FRRS1: variants seen among roughly 807,000 people sequenced by gnomAD.
FRRS1 encodes the protein ferric reductase 1.
In FRRS1, 51 loss-of-function variants were observed where a neutral mutation model predicts 70.7. The ratio of observed to expected loss-of-function variants is 0.72; its 90% confidence interval spans 0.58 to 0.91. FRRS1 has a LOEUF of 0.91. FRRS1 is among the 40% of genes least tolerant of loss of function. The pLI, the probability that FRRS1 is intolerant of heterozygous loss-of-function variation, is 0.00. For synonymous variants in FRRS1, 225 were observed against 238.7 expected, an observed-to-expected ratio of 0.94 and a Z score of 0.53; for missense variants, 672 against 726.0, an observed-to-expected ratio of 0.93 and a Z score of 0.86.
chr1:99,764,217 C>A (rs778843795), intron 1 of FRRS1, among the ~76,000 whole-genome samples: 2 of 152,084 alleles, frequency 1.3e-5, no homozygotes, highest in Non-Finnish European at 2.9e-5. Context: ...AACAAGAAAA[C>A]TGCAAAATGA....
At chr1:99,723,153 A>T (rs1023227325) in intron 9 of FRRS1, among the ~76,000 whole-genome samples, 10 of 152,316 alleles carry the variant, frequency 6.6e-5, no homozygotes, top group African/African-American at 2.4e-4. Flanking sequence ...CATATGCAGG[A>T]TTGGAATAAA....
intron 7 of FRRS1, among the ~76,000 whole-genome samples, chr1:99,735,285 T>A (rs1233990331): frequency 6.6e-6 from 1 of 152,174 alleles, no homozygotes; most frequent in Non-Finnish European, 1.5e-5. Flanking sequence ...TCAGTTAAAA[T>A]TCACACATTA....
At chr1:99,723,643 T>C (rs1654943249) in intron 9 of FRRS1, among the ~76,000 whole-genome samples, 1 of 152,202 alleles carries the variant, frequency 6.6e-6, no homozygotes, top group Non-Finnish European at 1.5e-5. Context: ...CTCACAAACC[T>C]ATTATAAAGC....
chr1:99,709,935 T>G (rs1654194944), intron 15 of FRRS1, among the ~76,000 whole-genome samples: 1 of 152,034 alleles, frequency 6.6e-6, no homozygotes, highest in African/African-American at 2.4e-5. Context: ...ACCACTGCAC[T>G]CCAGCCTAAA....
chr1:99,748,361 G>A (rs932708450), intron 3 of FRRS1: 25 of 423,826 alleles, frequency 5.9e-5, no homozygotes, highest in Admixed American at 2.6e-4. Context: ...AGTAAATAAC[G>A]ATAAAAACTT....
chr1:99,742,973 G>A (rs1656049606), intron 4 of FRRS1, among the ~76,000 whole-genome samples: 1 of 152,018 alleles, frequency 6.6e-6, no homozygotes, highest in African/African-American at 2.4e-5. Context: ...CATTTTTGGT[G>A]TAAAAATAAA....
chr1:99,760,134 GA>G (rs1439586702), intron 1 of FRRS1, among the ~76,000 whole-genome samples: 45 of 152,316 alleles, frequency 3.0e-4, no homozygotes, highest in African/African-American at 9.1e-4. Flanking sequence ...CAGAAAGAAT[GA>G]ATGTAAAAAT....
rs1439283806 is a variant in FRRS1, at chr1:99,738,175, A to G, written c.670T>C (p.Phe224Leu). 10 of 1,613,018 alleles carry G rather than the reference A, an allele frequency of 6.2e-6. No individual in the cohort carries two copies. The highest frequency in any genetic ancestry group is 1.3e-5 in the African/African-American group (1 of 75,026). ...EKEASCVFLS[F>L]TRDDQSVMVE... The stretch of plus-strand genomic sequence containing the variant: ...ATCACCGATTGGTCATCTCTTGTGA[A>G]GGACAAGAAGACACAGGAAGCCTCC... Residue 224 changes from phenylalanine to leucine, a missense_variant, in exon 7 of 17, where the codon TTC becomes CTC. Phe to Leu is a conservative substitution (Grantham distance 22). Coordinates refer to ENST00000646001, the MANE Select transcript of FRRS1 (RefSeq NM_001361041.2).
At position 99,708,909 on chromosome 1, in the gene FRRS1, A is replaced by T; in HGVS notation, c.*119T>A. The T allele has an allele frequency of 6.2e-7, 1 of 1,612,006 alleles. No individual in the cohort carries two copies. Among genetic ancestry groups the T allele is most frequent in the Non-Finnish European group, 8.5e-7 (1 of 1,178,374 alleles). Reference sequence around the variant, plus strand: ...ACTTCAGAATTCCTCTACAGACATGACCCCAGTCTTCCAAGTGAGAATTCA... The same window carrying T: ...ACTTCAGAATTCCTCTACAGACATGTCCCCAGTCTTCCAAGTGAGAATTCA... On this transcript the variant is annotated 3_prime_UTR_variant, in exon 17 of 17. Coordinates refer to ENST00000646001, the MANE Select transcript of FRRS1 (RefSeq NM_001361041.2).
At chr1:99,733,564 A>G (rs1655500830) in intron 7 of FRRS1, among the ~76,000 whole-genome samples, 1 of 152,210 alleles carries the variant, frequency 6.6e-6, no homozygotes, top group South Asian at 2.1e-4. Context: ...AAGGGCTCCC[A>G]TTGGCCGAAT....
chr1:99,718,743 C>A (rs1020681250), intron 10 of FRRS1, among the ~76,000 whole-genome samples: 2 of 152,170 alleles, frequency 1.3e-5, no homozygotes, highest in Non-Finnish European at 2.9e-5. Flanking sequence ...AATACTTGTA[C>A]ATTGATCAAT....
chr1:99,734,012 A>ATG lies in FRRS1; in HGVS notation c.759+4073_759+4074insCA, dbSNP rs1557695188. On this transcript the variant is annotated intron_variant, in intron 7 of 16. Transcript: ENST00000646001. ...CTGATGTGGAAATAATATCCCTTACATAGCATTTGTGCCAAAAAGTCTTAA... is the reference window on the plus strand; with the variant it reads ...CTGATGTGGAAATAATATCCCTTACATGTAGCATTTGTGCCAAAAAGTCTTAA... 2.3e-3 allele frequency among the ~76,000 whole-genome samples: 356 copies of ATG among 151,782 alleles called. 1 individual carries two copies. Among genetic ancestry groups the ATG allele is most frequent in the African/African-American group, 7.9e-3 (328 of 41,312 alleles).
chr1:99,709,624 T>G (rs970147681), intron 15 of FRRS1, among the ~76,000 whole-genome samples: 1 of 152,228 alleles, frequency 6.6e-6, no homozygotes, highest in Non-Finnish European at 1.5e-5. Flanking sequence ...TAAATCAAAC[T>G]AATTAACATA....
In FRRS1 at chr1:99,708,832, C is replaced by T. The variant is rs1256294081; in HGVS notation, c.*196G>A. 3.7e-6 allele frequency: 4 copies of T among 1,067,096 alleles called. No individual in the cohort carries two copies. In the East Asian group the frequency reaches 7.3e-5, roughly 19 times the overall value. The allele number at this position is 1,067,096 out of a possible 1,614,324, so 66.1% of individuals were successfully genotyped here. A position where few individuals can be genotyped will look rare whatever the true frequency, so the allele number is the denominator to read the frequency against. On this transcript the variant is annotated 3_prime_UTR_variant, in exon 17 of 17. Coordinates refer to ENST00000646001, the MANE Select transcript of FRRS1 (RefSeq NM_001361041.2). ...ACCCAGAATTACATATAGGGCATGA[C>T]ATTAATTTATAGTCTATATGACCCT... is the stretch of plus-strand genomic sequence containing the variant.
intron 3 of FRRS1, chr1:99,748,059 T>G (rs569744533): frequency 1.9e-5 from 3 of 153,918 alleles, no homozygotes; most frequent in African/African-American, 7.2e-5. Flanking sequence ...CAGTGTGAAC[T>G]CTAAGGTATA....
chr1:99,763,054 C>T (rs981625592), intron 1 of FRRS1, among the ~76,000 whole-genome samples: 1 of 152,166 alleles, frequency 6.6e-6, no homozygotes, highest in Non-Finnish European at 1.5e-5. Context: ...CCTCTCCTCT[C>T]CCCGCAAAAC....
In FRRS1 at chr1:99,758,530, T is replaced by A. The variant is rs1656954089; in HGVS notation, c.-106+8077A>T. On this transcript the variant is annotated intron_variant, in intron 1 of 16. Coordinates refer to ENST00000646001, the MANE Select transcript of FRRS1 (RefSeq NM_001361041.2). ...TCCTGTCTTTAATCTCTTAATCCTG[T>A]TAGCTTCATAAGCTGAGGATGTACG... Among the ~76,000 whole-genome samples, 3 of 152,362 alleles carry A rather than the reference T, an allele frequency of 2.0e-5. No individual in the cohort carries two copies. In the South Asian group the frequency reaches 6.2e-4, roughly 32 times the overall value.
intron 1 of FRRS1, chr1:99,765,662 G>C (rs190663556): frequency 6.6e-6 from 1 of 152,066 alleles, no homozygotes; most frequent in Non-Finnish European, 1.5e-5. Flanking sequence ...AGCACTTTGG[G>C]AGGCGGAGGC....
intron 7 of FRRS1, among the ~76,000 whole-genome samples, chr1:99,730,692 C>G (rs865797963): frequency 6.6e-6 from 1 of 152,024 alleles, no homozygotes; most frequent in African/African-American, 2.4e-5. Context: ...ATGGTGAAAC[C>G]CCGTCTCTAC....
Sources: allele counts gnomAD v4.1 joint callset (sites outside exome capture counted in the v4.1 genomes callset), GRCh38; gene constraint gnomAD v4.1.1; transcripts MANE v1.5; gene names NCBI Gene and HGNC (gene_info 2026-07-23, HGNC 2026-07-21).